The following PSME4 variants were observed in gnomAD, a reference collection of about 807,000 sequenced individuals.
PSME4 encodes proteasome activator subunit 4, also known as proteasome activator complex subunit 4.
In PSME4, 89 loss-of-function variants were observed where a neutral mutation model predicts 253.9. The ratio of observed to expected loss-of-function variants is 0.35; its 90% CI spans 0.30 to 0.42. The LOEUF is 0.42. Ranked by LOEUF, PSME4 falls within the 10% of genes least tolerant of loss-of-function variation. The pLI is 1.00. For synonymous variants in PSME4, 851 were observed against 759.2 expected (o/e 1.12, Z -1.99); for missense variants, 2,014 against 2,195.2 (o/e 0.92, Z 1.65).
chr2:53,897,173 T>TG (rs1553408785), intron 31 of PSME4, among the ~76,000 whole-genome samples: 2 of 150,816 alleles, frequency 1.3e-5, no homozygotes, highest in Non-Finnish European at 3.0e-5. Context: ...CAGGGTTTTT[T>TG]TTTTTTTTTT....
At chr2:53,868,947 T>A (rs1678738000) in intron 44 of PSME4, among the ~76,000 whole-genome samples, 1 of 152,100 alleles carries the variant, frequency 6.6e-6, no homozygotes, top group Admixed American at 6.6e-5. Context: ...CCGCACCCTC[T>A]CACCAAAGGA....
At chr2:53,891,111 C>A (rs1181716871) in intron 36 of PSME4, among the ~76,000 whole-genome samples, 2 of 152,152 alleles carry the variant, frequency 1.3e-5, no homozygotes, top group African/African-American at 4.8e-5. Context: ...GAAACAAAAC[C>A]TCAATCAAGT....
intron 2 of PSME4, 39 bp downstream of exon 2, chr2:53,949,100 GAAAC>G: frequency 6.6e-7 from 1 of 1,509,406 alleles, no homozygotes; most frequent in East Asian, 2.4e-5. Context: ...AAACCCTGAA[GAAAC>G]AAACAAACCT....
chr2:53,893,543 T>A, intron 35 of PSME4, 131 bp downstream of exon 35: 1 of 1,506,142 alleles, frequency 6.6e-7, no homozygotes. Context: ...CTGTACATGT[T>A]CAGTGTAAAT....
intron 45 of PSME4, 86 bp downstream of exon 45, chr2:53,866,661 T>A (rs1467330232): frequency 7.1e-7 from 1 of 1,410,076 alleles, no homozygotes; most frequent in African/African-American, 1.4e-5. Context: ...AAGCAGTTAG[T>A]TCAGAGTGTA....
intron 1 of PSME4, among the ~76,000 whole-genome samples, chr2:53,954,180 T>C (rs1190328921): frequency 6.6e-6 from 1 of 151,890 alleles, no homozygotes; most frequent in Non-Finnish European, 1.5e-5. Context: ...ATACAAAAAT[T>C]AGCCGGGTGT....
chr2:53,964,282 A>G (rs1050775086), intron 1 of PSME4, among the ~76,000 whole-genome samples: 1 of 152,244 alleles, frequency 6.6e-6, no homozygotes, highest in Admixed American at 6.5e-5. Flanking sequence ...CAGGAACTCT[A>G]TACTTTCCAT....
intron 1 of PSME4, among the ~76,000 whole-genome samples, chr2:53,965,675 T>C (rs921436070): frequency 6.6e-6 from 1 of 151,298 alleles, no homozygotes; most frequent in African/African-American, 2.4e-5. Context: ...TTTTTGTTTT[T>C]TTTTTTTTGA....
At chr2:53,885,131 A>G (rs1221601012) in intron 41 of PSME4, among the ~76,000 whole-genome samples, 2 of 152,212 alleles carry the variant, frequency 1.3e-5, no homozygotes, top group African/African-American at 4.8e-5. Context: ...GAAACTAATG[A>G]GTCAACCTGT....
At chr2:53,872,741 CAAAAAAAAA>C (rs61308177) in intron 43 of PSME4, among the ~76,000 whole-genome samples, 574 of 48,018 alleles carry the variant, frequency 0.012, 10 homozygotes, top group African/African-American at 0.042. Context: ...GACTTGGTCT[CAAAAAAAAA>C]AAAAAAAAAA....
chr2:53,898,495 A>G, intron 29 of PSME4, 141 bp from the exon 30 acceptor site: 2 of 609,414 alleles, frequency 3.3e-6, no homozygotes, highest in South Asian at 5.4e-5. Context: ...CCTGATGAGA[A>G]GCAAGCCAGA....
chr2:53,949,326 T>C lies in PSME4; in HGVS notation c.243-43A>G, dbSNP rs947435137. The C allele has an allele frequency of 2.3e-6, 3 of 1,313,490 alleles. No homozygotes were observed. The African/African-American group carries it at 4.4e-5, about 19-fold the overall frequency. The allele number at this position is 1,313,490 out of a possible 1,614,324, so 81.4% of individuals were successfully genotyped here. ...ATATACCCTTTAAAAATAGGTATGA[T>C]GACACATCCATGTTCAATGCAGCAT... On this transcript the variant is annotated intron_variant, in intron 1 of 46. Transcript: ENST00000404125.
At chr2:53,930,002 A>G (rs975124792) in intron 10 of PSME4, among the ~76,000 whole-genome samples, 3 of 152,014 alleles carry the variant, frequency 2.0e-5, no homozygotes, top group African/African-American at 7.2e-5. Context: ...TGGGCAACAG[A>G]GCAAGAGTCT....
At chr2:53,940,032 T>G in intron 3 of PSME4, 32 bp from the exon 4 acceptor site, 1 of 1,483,190 alleles carries the variant, frequency 6.7e-7, no homozygotes, top group Non-Finnish European at 9.3e-7. Flanking sequence ...ATAATTAGAT[T>G]GGTGTATTTT....
At chr2:53,897,497 C>T (rs1452192384) in intron 31 of PSME4, among the ~76,000 whole-genome samples, 5 of 152,116 alleles carry the variant, frequency 3.3e-5, no homozygotes, top group East Asian at 1.9e-4. Flanking sequence ...AAAGGTCTTT[C>T]TCCAATGCTT....
Position 53,887,934 on chromosome 2 carries a change from G to C in PSME4, c.4444C>G (p.Leu1482Val), listed in dbSNP as rs1323394018. Residue 1482 changes from leucine to valine, a missense_variant, in exon 39 of 47, where the codon CTA (leucine) becomes GTA (valine). This residue lies in a region of PSME4 where 403 missense variants were observed against 556.1 expected (regional missense o/e 0.72). Coordinates refer to ENST00000404125, the MANE Select transcript of PSME4 (RefSeq NM_014614.3). ...LAQQEWRVPE[L>V]LHRLLKYLEP... ...AAGTACTTCAGTAGTCTGTGCAATAGTTCAGGCACTCTCCATTCTTGCTGG... is the reference window on the plus strand; with the variant it reads ...AAGTACTTCAGTAGTCTGTGCAATACTTCAGGCACTCTCCATTCTTGCTGG... The C allele has an allele frequency of 2.5e-6, 4 of 1,609,630 alleles. No individual in the cohort carries two copies. Among genetic ancestry groups the C allele is most frequent in the Non-Finnish European group, 3.4e-6 (4 of 1,176,262 alleles).
At chr2:53,897,177 T>G (rs2104431373) in intron 31 of PSME4, among the ~76,000 whole-genome samples, 1 of 151,396 alleles carries the variant, frequency 6.6e-6, no homozygotes, top group South Asian at 2.1e-4. Context: ...GTTTTTTTTT[T>G]TTTTTTTTTT....
At position 53,932,822 on chromosome 2, in the gene PSME4, C is replaced by T. The variant is rs985778132; in HGVS notation, c.958-62G>A. On this transcript the variant is annotated intron_variant, in intron 8 of 46. Coordinates refer to ENST00000404125, the MANE Select transcript of PSME4 (RefSeq NM_014614.3). ...ATCATACTGTAAAAACAGAGGTCAA[C>T]AGGCCCAAGCCTATACGTAAATCAC... The T allele has an allele frequency of 4.4e-5, 57 of 1,284,662 alleles. No individual in the cohort carries two copies. In the Middle Eastern group the frequency reaches 1.1e-3, roughly 25 times the overall value. 79.6% of individuals were successfully genotyped at this position (1,284,662 alleles called of 1,614,324 possible).
At chr2:53,909,644 T>C (rs1186603342) in intron 21 of PSME4, among the ~76,000 whole-genome samples, 1 of 152,100 alleles carries the variant, frequency 6.6e-6, no homozygotes, top group Non-Finnish European at 1.5e-5. Flanking sequence ...AAAAAGAGAT[T>C]AGGAACATCA....
Sources: gnomAD v4.1 joint callset for allele counts (sites outside exome capture counted in the v4.1 genomes callset) on GRCh38, gnomAD v4.1.1 for gene constraint, gnomAD v4.1.1 regional missense constraint, MANE v1.5 for transcripts, NCBI Gene and HGNC (gene_info 2026-07-23, HGNC 2026-07-21) for gene names.